The following MEGF11 variants were observed in gnomAD, a reference collection of about 807,000 sequenced individuals.
MEGF11 encodes multiple epidermal growth factor-like domains protein 11.
MEGF11 carries 126 observed loss-of-function variants against 146.6 expected under a neutral mutation model. The observed-to-expected ratio is 0.86, with a 90% confidence interval of 0.74 to 1.00. MEGF11 has a LOEUF of 1.00. Among genes scored for constraint, MEGF11 ranks in the 50% least tolerant of loss-of-function variants. The pLI is 0.00. For missense variants in MEGF11, 1,509 were observed against 1,521.2 expected, an observed-to-expected ratio of 0.99 and a Z score of 0.13; for synonymous variants, 532 against 583.4, an observed-to-expected ratio of 0.91 and a Z score of 1.27.
intron 1 of MEGF11, among the ~76,000 whole-genome samples, chr15:66,158,844 A>G (rs1439432314): frequency 6.6e-6 from 1 of 152,202 alleles, no homozygotes; most frequent in African/African-American, 2.4e-5. Flanking sequence ...ATTTTAAAAC[A>G]GGCCAGACAA....
chr15:66,037,592 C>T (rs1159910726), intron 5 of MEGF11, among the ~76,000 whole-genome samples: 1 of 152,158 alleles, frequency 6.6e-6, no homozygotes, highest in Admixed American at 6.5e-5. Flanking sequence ...CTCCTGGTCC[C>T]ATCATAGGGT....
chr15:66,006,637 C>G (rs945613417), intron 5 of MEGF11, among the ~76,000 whole-genome samples: 2 of 152,196 alleles, frequency 1.3e-5, no homozygotes, highest in African/African-American at 4.8e-5. Flanking sequence ...CTGGCATCCT[C>G]GACAGGAAAA....
At chr15:66,023,337 C>T (rs1397076389) in intron 5 of MEGF11, among the ~76,000 whole-genome samples, 2 of 152,160 alleles carry the variant, frequency 1.3e-5, no homozygotes, top group Admixed American at 1.3e-4. Context: ...AGAAGCACAG[C>T]TATATCCATG....
At chr15:66,243,677 T>C (rs954710313) in intron 1 of MEGF11, among the ~76,000 whole-genome samples, 1 of 152,224 alleles carries the variant, frequency 6.6e-6, no homozygotes, top group Non-Finnish European at 1.5e-5. Flanking sequence ...GCTCATCCTC[T>C]GCAGGAGGAG....
rs2081689981 is a variant in MEGF11 at position 65,982,514 on chromosome 15, T to C, written c.395-26A>G. The C allele has an allele frequency of 1.1e-5, 16 of 1,453,086 alleles. No individual in the cohort carries two copies. The highest frequency in any genetic ancestry group is 1.4e-5 in the Non-Finnish European group (16 of 1,104,804). The allele number at this position is 1,453,086 out of a possible 1,614,324, so 90.0% of individuals were successfully genotyped here. A position where few individuals can be genotyped will look rare whatever the true frequency, so the allele number is the denominator to read the frequency against. On this transcript the variant is annotated intron_variant, in intron 5 of 25. Transcript: ENST00000395614. This position sits in a 1 kb window ranked among gnomAD's most constrained non-coding sequence, Gnocchi z 5.6. ...CTGCAAGAGACGGGACAGTCAGGGATCAGGAGCCCCGAAGGCTCTCCTTGG... is the reference window on the plus strand; with the variant it reads ...CTGCAAGAGACGGGACAGTCAGGGACCAGGAGCCCCGAAGGCTCTCCTTGG...
intron 1 of MEGF11, among the ~76,000 whole-genome samples, chr15:66,208,027 G>A (rs970833996): frequency 2.0e-5 from 3 of 151,782 alleles, no homozygotes; most frequent in Admixed American, 6.6e-5. Flanking sequence ...GGAGGTTGCA[G>A]TGAGCTGAGA....
intron 5 of MEGF11, among the ~76,000 whole-genome samples, chr15:66,029,156 GTT>G (rs1170288762): frequency 6.8e-6 from 1 of 146,294 alleles, no homozygotes; most frequent in Admixed American, 6.8e-5. Context: ...GAATTGCCTT[GTT>G]TTTTTTTTTG....
chr15:66,147,246 C>A (rs1468742875), intron 1 of MEGF11, among the ~76,000 whole-genome samples: 2 of 152,194 alleles, frequency 1.3e-5, no homozygotes, highest in Non-Finnish European at 2.9e-5. Flanking sequence ...AATTCTGACT[C>A]ATGACCCCTC....
In MEGF11 at chr15:66,114,350, G is replaced by A. The variant is rs77191943; in HGVS notation, c.301+4736C>T. On this transcript the variant is annotated intron_variant, in intron 4 of 25. Transcript: ENST00000395614. The stretch of plus-strand genomic sequence containing the variant: ...GGACCTGGGGTGAGGCTGACAAGGA[G>A]CAGGCCTTAGCTAGCCCACGGCGGA... 0.01 allele frequency among the ~76,000 whole-genome samples: 1,563 copies of A among 152,320 alleles called. 81 individuals are homozygous for A. In the East Asian group the frequency reaches 0.16, roughly 16 times the overall value.
intron 1 of MEGF11, among the ~76,000 whole-genome samples, chr15:66,250,320 A>G (rs1226454961): frequency 6.6e-6 from 1 of 152,218 alleles, no homozygotes; most frequent in Non-Finnish European, 1.5e-5. Context: ...TGGAGCCTTG[A>G]ACCACTAGAG....
At chr15:66,177,347 C>T (rs541967727) in intron 1 of MEGF11, among the ~76,000 whole-genome samples, 1 of 152,274 alleles carries the variant, frequency 6.6e-6, no homozygotes, top group East Asian at 1.9e-4. Flanking sequence ...TAAGTCAAGC[C>T]TATAATGTAT....
chr15:66,217,306 G>A (rs73475583), intron 1 of MEGF11, among the ~76,000 whole-genome samples: 4,311 of 152,322 alleles, frequency 0.028, 172 homozygotes, highest in African/African-American at 0.098. Context: ...GGGTTCACCT[G>A]CGCAGGGACA....
chr15:66,186,141 T>C (rs2090693359), intron 1 of MEGF11, among the ~76,000 whole-genome samples: 1 of 152,148 alleles, frequency 6.6e-6, no homozygotes, highest in Admixed American at 6.5e-5. Flanking sequence ...CCACTCCCCA[T>C]AATTTTCAGG....
intron 23 of MEGF11, among the ~76,000 whole-genome samples, chr15:65,908,371 C>G (rs2078693714): frequency 6.6e-6 from 1 of 152,180 alleles, no homozygotes; most frequent in Non-Finnish European, 1.5e-5. Flanking sequence ...ATTCTCTGTT[C>G]ATTCATTGCA....
At chr15:65,922,994 T>C (rs1567159211) in intron 13 of MEGF11, 25 bp from the exon 14 acceptor site, 1 of 1,608,734 alleles carries the variant, frequency 6.2e-7, no homozygotes. Flanking sequence ...CAGACTCGGG[T>C]CAGTGGTAAG....
intron 1 of MEGF11, among the ~76,000 whole-genome samples, chr15:66,153,919 T>C (rs2089656585): frequency 3.3e-5 from 5 of 152,150 alleles, no homozygotes. Flanking sequence ...CCTCCCCAAA[T>C]GCAGCTCCCC....
chr15:66,202,802 A>G (rs965929086), intron 1 of MEGF11, among the ~76,000 whole-genome samples: 2 of 152,216 alleles, frequency 1.3e-5, no homozygotes, highest in Non-Finnish European at 2.9e-5. Flanking sequence ...GCAGGTAAGT[A>G]GCCTCTCAGA....
At chr15:66,136,978 A>G (rs2088915588) in intron 1 of MEGF11, among the ~76,000 whole-genome samples, 1 of 152,194 alleles carries the variant, frequency 6.6e-6, no homozygotes, top group South Asian at 2.1e-4. Flanking sequence ...GGCTGCAGTG[A>G]GACGTGAGCA....
At chr15:66,229,810 A>G (rs2140194716) in intron 1 of MEGF11, among the ~76,000 whole-genome samples, 1 of 152,272 alleles carries the variant, frequency 6.6e-6, no homozygotes, top group East Asian at 1.9e-4. Context: ...GCTGGCCAAG[A>G]TGGGAAACTG....
Sources: gnomAD v4.1 joint callset for allele counts (sites outside exome capture counted in the v4.1 genomes callset) on GRCh38, gnomAD v4.1.1 for gene constraint, Gnocchi (gnomAD v3.1) non-coding constraint, MANE v1.5 for transcripts, NCBI Gene and HGNC (gene_info 2026-07-23, HGNC 2026-07-21) for gene names.